The following REEP1 variants were observed in gnomAD, a reference collection of about 807,000 sequenced individuals.
REEP1 encodes receptor accessory protein 1.
In REEP1, 22 loss-of-function variants were observed where a neutral mutation model predicts 40.3. The observed-to-expected ratio is 0.55, with a 90% CI of 0.39 to 0.78. REEP1 has a LOEUF of 0.78. REEP1 is among the 30% of genes least tolerant of loss of function. The probability of loss-of-function intolerance (pLI) is 0.00; values close to 1 mark genes in which losing one functional copy is unlikely to be tolerated. For synonymous variants in REEP1, 116 were observed against 139.2 expected, an observed-to-expected ratio of 0.83 and a Z score of 1.17; for missense variants, 280 against 361.1, an observed-to-expected ratio of 0.78 and a Z score of 1.82.
At chr2:86,223,489 A>G (rs1674529985) in intron 7 of REEP1, 2 of 152,356 alleles carry the variant, frequency 1.3e-5, no homozygotes, top group Admixed American at 1.3e-4. Context: ...GAACACTTAC[A>G]TCCACGTCCC....
chr2:86,334,925 C>A (rs547699094), intron 1 of REEP1, among the ~76,000 whole-genome samples: 11 of 152,292 alleles, frequency 7.2e-5, no homozygotes, highest in African/African-American at 2.6e-4. Context: ...GGTTAACTAG[C>A]TGTGGACTAG....
chr2:86,297,145 G>T (rs1028961575), intron 1 of REEP1, among the ~76,000 whole-genome samples: 1 of 152,190 alleles, frequency 6.6e-6, no homozygotes, highest in African/African-American at 2.4e-5. Flanking sequence ...ACATCCAGAG[G>T]CTTCCCCTGC....
At chr2:86,238,549 G>T (rs993566105) in intron 5 of REEP1, among the ~76,000 whole-genome samples, 1 of 152,240 alleles carries the variant, frequency 6.6e-6, no homozygotes, top group Non-Finnish European at 1.5e-5. Flanking sequence ...CATTTATGGA[G>T]CTGCCGCCTG....
chr2:86,308,406 C>T (rs1038965755), intron 1 of REEP1, among the ~76,000 whole-genome samples: 67 of 152,190 alleles, frequency 4.4e-4, no homozygotes, highest in African/African-American at 2.4e-4. Flanking sequence ...ATTAGCTGGG[C>T]GTGGTAGTGC....
chr2:86,264,122 C>T lies in REEP1; in HGVS notation c.106-81G>A, dbSNP rs1863056. ...CAACACCAGGAAGAACAGGCCCCGG[C>T]GGCAGATACGGAGGCACGTCCAGGT... On this transcript the variant is annotated intron_variant, in intron 2 of 8. Transcript: ENST00000538924. The T allele has an allele frequency of 0.44, 457,469 of 1,046,122 alleles. 105,320 individuals are homozygous for T. Among genetic ancestry groups the T allele is most frequent in the East Asian group, 0.58 (24,102 of 41,858 alleles). The allele number at this position is 1,046,122 out of a possible 1,614,324, so 64.8% of individuals were successfully genotyped here.
At chr2:86,227,273 G>A (rs1466312756) in intron 7 of REEP1, 90 bp downstream of exon 7, 3 of 1,067,682 alleles carry the variant, frequency 2.8e-6, no homozygotes, top group African/African-American at 3.3e-5. Flanking sequence ...CAGCTGAAAG[G>A]GAGCCCCAGG....
chr2:86,228,342 C>G (rs532986970), intron 6 of REEP1, among the ~76,000 whole-genome samples: 9 of 152,266 alleles, frequency 5.9e-5, no homozygotes, highest in African/African-American at 1.9e-4. Context: ...GCCCCTTCCT[C>G]CCTTCCTCGT....
intron 1 of REEP1, among the ~76,000 whole-genome samples, chr2:86,283,748 C>G (rs905199772): frequency 6.6e-6 from 1 of 152,246 alleles, no homozygotes; most frequent in African/African-American, 2.4e-5. Flanking sequence ...CTTAGACTGC[C>G]TTGTCCAAGG....
intron 5 of REEP1, among the ~76,000 whole-genome samples, chr2:86,242,904 A>G (rs1675740193): frequency 6.6e-6 from 1 of 152,192 alleles, no homozygotes; most frequent in Non-Finnish European, 1.5e-5. Flanking sequence ...TGGGGCATCA[A>G]AGGTGACAGA....
chr2:86,303,450 C>T (rs2104463038), intron 1 of REEP1, among the ~76,000 whole-genome samples: 1 of 152,038 alleles, frequency 6.6e-6, no homozygotes, highest in Non-Finnish European at 1.5e-5. Flanking sequence ...AATTCCTGGC[C>T]TCAAGTGATC....
chr2:86,307,098 G>A (rs955631358), intron 1 of REEP1, among the ~76,000 whole-genome samples: 3 of 151,886 alleles, frequency 2.0e-5, no homozygotes, highest in South Asian at 4.2e-4. Flanking sequence ...CCAGCTACTC[G>A]GGTGCTGAGG....
intron 5 of REEP1, among the ~76,000 whole-genome samples, chr2:86,235,562 A>G (rs1675273784): frequency 1.3e-5 from 2 of 152,226 alleles, no homozygotes; most frequent in African/African-American, 2.4e-5. Context: ...TATTGAAAGC[A>G]GAGGTGGAAA....
At position 86,215,359 on chromosome 2, in the gene REEP1, A is replaced by G. The variant is rs144202611; in HGVS notation, c.*1680T>C. 3 of 152,368 alleles carry G rather than the reference A, an allele frequency of 2.0e-5. No homozygotes were observed. The highest frequency in any genetic ancestry group is 2.0e-4 in the Admixed American group (3 of 15,298). 9.4% of individuals were successfully genotyped at this position (152,368 alleles called of 1,614,324 possible). On this transcript the variant is annotated 3_prime_UTR_variant, in exon 9 of 9. Coordinates refer to ENST00000538924, the MANE Select transcript of REEP1 (RefSeq NM_001371279.1). ...TCTGGCAACAATCAGCTTCAAATCAAACCCTTTCTGGGGTGGCTAAGATCC... is the reference window on the plus strand; with the variant it reads ...TCTGGCAACAATCAGCTTCAAATCAGACCCTTTCTGGGGTGGCTAAGATCC...
Position 86,250,924 on chromosome 2 carries a change from A to T in REEP1, c.417+1033T>A, listed in dbSNP as rs79620880. Among the ~76,000 whole-genome samples, 82 of 152,224 alleles carry T rather than the reference A, an allele frequency of 5.4e-4. No homozygotes were observed. In the East Asian group the frequency reaches 0.015, roughly 28 times the overall value. ...CAGCACCCTCCATCCTGCCATCCGC[A>T]CAATGTTCATAGAGCACCAAGATCT... On this transcript the variant is annotated intron_variant, in intron 5 of 8. Transcript: ENST00000538924.
intron 1 of REEP1, among the ~76,000 whole-genome samples, chr2:86,302,787 C>T (rs1386220279): frequency 1.3e-5 from 2 of 152,170 alleles, no homozygotes; most frequent in Non-Finnish European, 2.9e-5. Context: ...AGGACCCCTC[C>T]AAAATGTATC....
chr2:86,294,521 T>C (rs984900015), intron 1 of REEP1, among the ~76,000 whole-genome samples: 1 of 152,316 alleles, frequency 6.6e-6, no homozygotes, highest in Non-Finnish European at 1.5e-5. Flanking sequence ...GATGCGACAA[T>C]GCTATTTTGT....
At chr2:86,323,820 C>T (rs1200239343) in intron 1 of REEP1, among the ~76,000 whole-genome samples, 3 of 152,118 alleles carry the variant, frequency 2.0e-5, no homozygotes, top group Non-Finnish European at 4.4e-5. Context: ...ACGAACTATT[C>T]AATGGTACAG....
Position 86,290,470 on chromosome 2 carries a change from C to T in REEP1, c.33-8228G>A, listed in dbSNP as rs183978800. Among the ~76,000 whole-genome samples, 3 of 152,276 alleles carry T rather than the reference C, an allele frequency of 2.0e-5. No individual in the cohort carries two copies. The East Asian group carries it at 5.8e-4, about 29-fold the overall frequency. ...CACCTGACCTTTAAAAAAACCAAAGCATTCAGAGGAATTCACACTCACAAG... is the reference window on the plus strand; with the variant it reads ...CACCTGACCTTTAAAAAAACCAAAGTATTCAGAGGAATTCACACTCACAAG... On this transcript the variant is annotated intron_variant, in intron 1 of 8. Coordinates refer to ENST00000538924, the MANE Select transcript of REEP1 (RefSeq NM_001371279.1).
intron 4 of REEP1, among the ~76,000 whole-genome samples, chr2:86,252,279 C>T (rs1676328216): frequency 6.6e-6 from 1 of 152,132 alleles, no homozygotes; most frequent in Non-Finnish European, 1.5e-5. Context: ...AACACTGCAA[C>T]TTACGGATCC....
Sources: gnomAD v4.1 joint callset for allele counts (sites outside exome capture counted in the v4.1 genomes callset) on GRCh38, gnomAD v4.1.1 for gene constraint, MANE v1.5 for transcripts, NCBI Gene and HGNC (gene_info 2026-07-23, HGNC 2026-07-21) for gene names.